Variants in SNTG2 observed in about 807,000 individuals in gnomAD.
SNTG2 encodes gamma-2-syntrophin.
In SNTG2, 74 loss-of-function variants were observed where a neutral mutation model predicts 70.9. That is an observed-to-expected ratio of 1.04 (90% CI 0.86 to 1.27). SNTG2 has a LOEUF of 1.27. Among genes scored for constraint, SNTG2 ranks in the 50% most tolerant of loss-of-function variants. The probability of loss-of-function intolerance (pLI) is 0.00; values close to 1 mark genes in which losing one functional copy is unlikely to be tolerated. For missense variants in SNTG2, 717 were observed against 690.7 expected (o/e 1.04, Z -0.43); for synonymous variants, 278 against 273.8 (o/e 1.02, Z -0.15).
At chr2:1,076,764 A>C (rs1358363603) in intron 1 of SNTG2, among the ~76,000 whole-genome samples, 3 of 152,230 alleles carry the variant, frequency 2.0e-5, no homozygotes, top group Non-Finnish European at 4.4e-5. Context: ...TTATGAAGGT[A>C]AATCAACTTT....
At chr2:1,157,965 A>C (rs1199574349) in intron 6 of SNTG2, among the ~76,000 whole-genome samples, 1 of 152,188 alleles carries the variant, frequency 6.6e-6, no homozygotes, top group Non-Finnish European at 1.5e-5. Context: ...TAGGCACAAA[A>C]GTTAGCATTT....
chr2:1,134,077 C>A (rs1017479111), intron 4 of SNTG2, among the ~76,000 whole-genome samples: 4 of 151,728 alleles, frequency 2.6e-5, no homozygotes, highest in Non-Finnish European at 5.9e-5. Context: ...GGCGGTGCGT[C>A]TGGAGTTGTT....
chr2:1,177,551 G>C (rs1282668281), intron 8 of SNTG2, among the ~76,000 whole-genome samples: 1 of 151,412 alleles, frequency 6.6e-6, no homozygotes, highest in African/African-American at 2.4e-5. Flanking sequence ...TAGTAAAATT[G>C]ACAACTTCTT....
chr2:1,286,875 G>A (rs537516531), intron 14 of SNTG2, among the ~76,000 whole-genome samples: 2 of 152,322 alleles, frequency 1.3e-5, no homozygotes, highest in South Asian at 4.1e-4. Context: ...TTGCTCTGAA[G>A]AACATTCGTC....
intron 14 of SNTG2, among the ~76,000 whole-genome samples, chr2:1,290,072 G>A (rs1017425183): frequency 5.9e-5 from 9 of 152,084 alleles, no homozygotes; most frequent in Admixed American, 5.2e-4. Flanking sequence ...TGGGCTGCTG[G>A]GAATAATGTT....
intron 16 of SNTG2, among the ~76,000 whole-genome samples, chr2:1,340,527 T>C (rs1267816034): frequency 6.6e-6 from 1 of 152,158 alleles, no homozygotes; most frequent in African/African-American, 2.4e-5. Context: ...AAATGGCGTC[T>C]CTCCAAAAAG....
At chr2:996,681 T>TTTTTTTTTTTTTTTTTG (rs1661696097) in intron 1 of SNTG2, among the ~76,000 whole-genome samples, 2 of 119,440 alleles carry the variant, frequency 1.7e-5, no homozygotes, top group African/African-American at 3.5e-5. Flanking sequence ...CAGTTTTTTT[T>TTTTTTTTTTTTTTTTTG]TTTTTTTTTT....
intron 1 of SNTG2, among the ~76,000 whole-genome samples, chr2:998,316 A>G (rs1661758968): frequency 6.6e-6 from 1 of 152,192 alleles, no homozygotes; most frequent in African/African-American, 2.4e-5. Flanking sequence ...AAACATGGAA[A>G]TACAGATAGA....
chr2:1,367,439 C>T lies in SNTG2; in HGVS notation c.1585C>T (p.Gln529Ter). 3 of 1,551,704 alleles carry T rather than the reference C, an allele frequency of 1.9e-6. No homozygotes were observed. In the African/African-American group the frequency reaches 4.1e-5, roughly 21 times the overall value. ...CGTGGACCCCGGCTTCATGGACAGTCAGAGTCTTGCCAGAAAATACATGTA... is the reference window on the plus strand; with the variant it reads ...CGTGGACCCCGGCTTCATGGACAGTTAGAGTCTTGCCAGAAAATACATGTA... The part of the protein sequence containing the change: ...ASVDPGFMDS[Q>*]SLARKYMYSS Residue 529 changes from glutamine to a stop codon, truncating the protein, a stop_gained, in exon 17 of 17, where the codon CAG becomes TAG. Transcript: ENST00000308624. LOFTEE classifies it high-confidence loss of function.
chr2:1,050,097 T>G (rs1396424693), intron 1 of SNTG2, among the ~76,000 whole-genome samples: 1 of 152,202 alleles, frequency 6.6e-6, no homozygotes, highest in Non-Finnish European at 1.5e-5. Flanking sequence ...ATGTTATATG[T>G]ATGAGTCTTT....
intron 1 of SNTG2, among the ~76,000 whole-genome samples, chr2:978,710 T>G (rs58650957): frequency 0.02 from 2,982 of 152,324 alleles, 117 homozygotes; most frequent in African/African-American, 0.067. Flanking sequence ...GAGGATATTT[T>G]AATGTGTGCA....
intron 7 of SNTG2, among the ~76,000 whole-genome samples, chr2:1,169,597 G>A (rs913537597): frequency 3.9e-5 from 6 of 152,146 alleles, no homozygotes; most frequent in Admixed American, 1.3e-4. Flanking sequence ...CTGTGGGGCC[G>A]GAGGCTGTCT....
At chr2:1,240,354 C>A (rs986671476) in intron 11 of SNTG2, among the ~76,000 whole-genome samples, 1 of 152,168 alleles carries the variant, frequency 6.6e-6, no homozygotes, top group Non-Finnish European at 1.5e-5. Flanking sequence ...GCTCACTTCC[C>A]ACGTCTATGA....
At chr2:1,263,747 G>A (rs996439747) in intron 13 of SNTG2, among the ~76,000 whole-genome samples, 1 of 152,182 alleles carries the variant, frequency 6.6e-6, no homozygotes, top group Non-Finnish European at 1.5e-5. Context: ...CGGGATGTGA[G>A]CCCTGCATGC....
intron 4 of SNTG2, among the ~76,000 whole-genome samples, chr2:1,106,042 C>G (rs1666111623): frequency 6.7e-6 from 1 of 149,582 alleles, no homozygotes; most frequent in South Asian, 2.1e-4. Context: ...CACTCGGGTG[C>G]AGGGTATGGA....
At chr2:1,095,026 T>C (rs893892650) in intron 2 of SNTG2, among the ~76,000 whole-genome samples, 1 of 149,284 alleles carries the variant, frequency 6.7e-6, no homozygotes, top group African/African-American at 2.5e-5. Flanking sequence ...CTTATATGTG[T>C]GTCCTCACAT....
chr2:1,030,515 G>C (rs1234573493), intron 1 of SNTG2, among the ~76,000 whole-genome samples: 1 of 152,162 alleles, frequency 6.6e-6, no homozygotes, highest in African/African-American at 2.4e-5. Flanking sequence ...ACAACACCGA[G>C]CTGTCCACAC....
intron 4 of SNTG2, among the ~76,000 whole-genome samples, chr2:1,118,477 C>T (rs1013897887): frequency 6.6e-6 from 1 of 152,092 alleles, no homozygotes. Context: ...CCTGTCCAAC[C>T]AGCACCCTCA....
intron 1 of SNTG2, among the ~76,000 whole-genome samples, chr2:1,065,008 C>A (rs974871370): frequency 7.2e-5 from 11 of 152,092 alleles, no homozygotes; most frequent in Non-Finnish European, 1.6e-4. Context: ...ATATCAGACG[C>A]GGTGGATTGT....
Sources: allele counts gnomAD v4.1 joint callset (sites outside exome capture counted in the v4.1 genomes callset), GRCh38; gene constraint gnomAD v4.1.1; transcripts MANE v1.5; gene names NCBI Gene and HGNC (gene_info 2026-07-23, HGNC 2026-07-21).